Variants in PRMT8 observed in about 807,000 individuals in gnomAD.
PRMT8 encodes the protein protein arginine methyltransferase 8, also known as protein arginine N-methyltransferase 8.
In PRMT8, 7 loss-of-function variants were observed where a neutral mutation model predicts 47.1. The observed-to-expected ratio is 0.15, with a 90% CI of 0.08 to 0.28. PRMT8 has a LOEUF of 0.28. Among genes scored for constraint, PRMT8 ranks in the 10% least tolerant of loss-of-function variants. The pLI, the probability that PRMT8 is intolerant of heterozygous loss-of-function variation, is 1.00. For missense variants in PRMT8, 237 were observed against 505.4 expected, an observed-to-expected ratio of 0.47 and a Z score of 5.09; for synonymous variants, 188 against 186.5, an observed-to-expected ratio of 1.01 and a Z score of -0.07.
intron 1 of PRMT8, chr12:3,469,235 C>T (rs1229410228): frequency 4.5e-6 from 2 of 448,380 alleles, no homozygotes; most frequent in Non-Finnish European, 8.8e-6. Flanking sequence ...AAGGACCAAA[C>T]ACCCCCATCC....
chr12:3,585,638 C>T (rs1867156265), intron 8 of PRMT8, among the ~76,000 whole-genome samples: 1 of 151,210 alleles, frequency 6.6e-6, no homozygotes, highest in Non-Finnish European at 1.5e-5. Flanking sequence ...AGATTTATCT[C>T]TTCATAGAAA....
intron 1 of PRMT8, among the ~76,000 whole-genome samples, chr12:3,468,525 G>T (rs995804763): frequency 6.6e-6 from 1 of 152,300 alleles, no homozygotes; most frequent in East Asian, 1.9e-4. Flanking sequence ...CAACACTGAG[G>T]CCCAGTCGTT....
At position 3,583,317 on chromosome 12, in the gene PRMT8, G is replaced by C. The variant is rs1867108031; in HGVS notation, c.979+109G>C. Reference sequence around the variant, plus strand: ...CTTGGGGAGAAGGGGCTGGGTGTTAGCTGGGTGACACCTATCAACCCTCTC... The same window carrying C: ...CTTGGGGAGAAGGGGCTGGGTGTTACCTGGGTGACACCTATCAACCCTCTC... On this transcript the variant is annotated intron_variant, in intron 8 of 9. Coordinates refer to ENST00000382622, the MANE Select transcript of PRMT8 (RefSeq NM_019854.5). The surrounding 1 kb of genome is among the most constrained non-coding windows in gnomAD (Gnocchi z 4.7). 1.6e-6 allele frequency: 2 copies of C among 1,236,716 alleles called. No individual in the cohort carries two copies. Among genetic ancestry groups the C allele is most frequent in the Non-Finnish European group, 2.2e-6 (2 of 898,068 alleles). The allele number at this position is 1,236,716 out of a possible 1,614,324, so 76.6% of individuals were successfully genotyped here.
Position 3,570,861 on chromosome 12 carries a change from A to C in PRMT8, c.712+1297A>C, listed in dbSNP as rs79349204. ...CAGCCAATCTGGTGTGATTTCCACTATTTGACCTCCTGGGGGAAGGAGGCA... is the reference window on the plus strand; with the variant it reads ...CAGCCAATCTGGTGTGATTTCCACTCTTTGACCTCCTGGGGGAAGGAGGCA... On this transcript the variant is annotated intron_variant, in intron 6 of 9. Transcript: ENST00000382622. This position sits in a 1 kb window ranked among gnomAD's most constrained non-coding sequence, Gnocchi z 5.5. 2.0e-5 allele frequency among the ~76,000 whole-genome samples: 3 copies of C among 152,134 alleles called. No individual in the cohort carries two copies. Among genetic ancestry groups the C allele is most frequent in the Non-Finnish European group, 2.9e-5 (2 of 68,006 alleles).
intron 1 of PRMT8, among the ~76,000 whole-genome samples, chr12:3,398,934 A>G (rs1250960986): frequency 1.3e-5 from 2 of 152,098 alleles, no homozygotes; most frequent in African/African-American, 2.4e-5. Context: ...CCCTGGGAGG[A>G]TGGAGATGAA....
At chr12:3,448,254 C>G (rs1864879230) in intron 1 of PRMT8, among the ~76,000 whole-genome samples, 1 of 152,170 alleles carries the variant, frequency 6.6e-6, no homozygotes. Flanking sequence ...ATCCTCCTGC[C>G]TTGGCCTCCC....
At position 3,550,233 on chromosome 12, in the gene PRMT8, G is replaced by A; in HGVS notation, c.417+142G>A. On this transcript the variant is annotated intron_variant, in intron 3 of 9. Transcript: ENST00000382622. This position sits in a 1 kb window ranked among gnomAD's most constrained non-coding sequence, Gnocchi z 5.1. ...ACCTTCGAGGAGTAGAAGAAATCAG[G>A]TGTGACTCTCAGGAAGGGGAGCAGG... The A allele has an allele frequency of 2.9e-6, 3 of 1,020,160 alleles. No individual in the cohort carries two copies. Among genetic ancestry groups the A allele is most frequent in the Non-Finnish European group, 4.3e-6 (3 of 702,514 alleles). The allele number at this position is 1,020,160 out of a possible 1,614,324, so 63.2% of individuals were successfully genotyped here.
chr12:3,459,811 G>A (rs923593300), intron 1 of PRMT8, among the ~76,000 whole-genome samples: 8 of 152,260 alleles, frequency 5.3e-5, no homozygotes, highest in Non-Finnish European at 8.8e-5. Flanking sequence ...GGGACTCCCT[G>A]TCTCTTTCTC....
rs10848864 is a variant in PRMT8, at chr12:3,453,736, A to G, written c.48+72294A>G. Among the ~76,000 whole-genome samples, 96,818 of 151,914 alleles carry G rather than the reference A, an allele frequency of 0.64. 32,197 individuals carry two copies. The highest frequency in any genetic ancestry group is 0.8 in the South Asian group (3,844 of 4,822). On this transcript the variant is annotated intron_variant, in intron 1 of 9. Transcript: ENST00000452611. This position sits in a 1 kb window ranked among gnomAD's most constrained non-coding sequence, Gnocchi z 4.9. ...GTTCTGCCCACACATCTCCTGCGGC[A>G]CCCTGTGGTCTGTGTCCTGACGTGG... is the stretch of plus-strand genomic sequence containing the variant.
At chr12:3,505,063 C>T (rs1307235311) in intron 1 of PRMT8, among the ~76,000 whole-genome samples, 8 of 139,724 alleles carry the variant, frequency 5.7e-5, no homozygotes, top group African/African-American at 1.6e-4. Context: ...CTTCGGCTCG[C>T]GCACGGTGCG....
intron 1 of PRMT8, among the ~76,000 whole-genome samples, chr12:3,532,977 CTG>C (rs1866057013): frequency 6.6e-6 from 1 of 152,190 alleles, no homozygotes; most frequent in East Asian, 1.9e-4. Flanking sequence ...AGGGTGGAGA[CTG>C]AGAGCAGTGG....
chr12:3,480,933 C>T (rs945985323), intron 1 of PRMT8, among the ~76,000 whole-genome samples: 1 of 152,158 alleles, frequency 6.6e-6, no homozygotes, highest in Admixed American at 6.5e-5. Context: ...AGCTAATAAA[C>T]AGGAAAGGCT....
chr12:3,407,196 C>G (rs1363589294), intron 1 of PRMT8, among the ~76,000 whole-genome samples: 1 of 152,078 alleles, frequency 6.6e-6, no homozygotes, highest in Non-Finnish European at 1.5e-5. Context: ...ATAACAAGAC[C>G]AGCATGAGGG....
intron 2 of PRMT8, among the ~76,000 whole-genome samples, chr12:3,542,050 T>C (rs923364723): frequency 3.9e-5 from 6 of 152,210 alleles, no homozygotes; most frequent in African/African-American, 1.4e-4. Flanking sequence ...ACAAGTTTCC[T>C]TTCTTTCCAT....
Position 3,569,929 on chromosome 12 carries a change from G to A in PRMT8, c.712+365G>A, listed in dbSNP as rs1167440422. Among the ~76,000 whole-genome samples the A allele has an allele frequency of 6.6e-6, 1 of 152,216 alleles. No individual in the cohort carries two copies. Among genetic ancestry groups the A allele is most frequent in the Non-Finnish European group, 1.5e-5 (1 of 68,046 alleles). ...AGTTAGCCCAAAAGTCCACCGCAGG[G>A]GTCTGAAGTAGCAGGTCTCTTGCCA... On this transcript the variant is annotated intron_variant, in intron 6 of 9. Transcript: ENST00000382622. The surrounding 1 kb of genome is among the most constrained non-coding windows in gnomAD (Gnocchi z 8.2).
intron 1 of PRMT8, among the ~76,000 whole-genome samples, chr12:3,399,504 T>C (rs550212711): frequency 3.9e-5 from 6 of 152,146 alleles, no homozygotes; most frequent in Non-Finnish European, 7.3e-5. Flanking sequence ...GTCTATAATT[T>C]ACTAAAATGA....
intron 1 of PRMT8, among the ~76,000 whole-genome samples, chr12:3,421,541 C>T (rs1293362319): frequency 6.6e-6 from 1 of 152,100 alleles, no homozygotes; most frequent in East Asian, 1.9e-4. Flanking sequence ...ATGGTCTGGG[C>T]CACATATAAA....
intron 1 of PRMT8, among the ~76,000 whole-genome samples, chr12:3,506,939 C>A (rs546057601): frequency 6.6e-6 from 1 of 152,012 alleles, no homozygotes; most frequent in East Asian, 1.9e-4. Flanking sequence ...TTAAATTCCC[C>A]GTCTTCTTGG....
intron 4 of PRMT8, among the ~76,000 whole-genome samples, chr12:3,568,033 C>T (rs554560012): frequency 4.9e-4 from 73 of 149,890 alleles, no homozygotes; most frequent in Admixed American, 3.9e-3. Context: ...GATCACGCCA[C>T]TGCACTCCAG....
Sources: gnomAD v4.1 joint callset for allele counts (sites outside exome capture counted in the v4.1 genomes callset) on GRCh38, gnomAD v4.1.1 for gene constraint, Gnocchi (gnomAD v3.1) non-coding constraint, MANE v1.5 for transcripts, NCBI Gene and HGNC (gene_info 2026-07-23, HGNC 2026-07-21) for gene names.